CNTN3: variants seen among roughly 807,000 people sequenced by gnomAD.
The protein encoded by CNTN3 is contactin 3.
Under a neutral mutation model 119.1 loss-of-function variants are expected in CNTN3, and 60 were observed. The ratio of observed to expected loss-of-function variants is 0.50; its 90% CI spans 0.41 to 0.62. CNTN3 has a LOEUF of 0.62. Among genes scored for constraint, CNTN3 ranks in the 20% least tolerant of loss-of-function variants. The probability of loss-of-function intolerance (pLI) is 0.00; values close to 1 mark genes in which losing one functional copy is unlikely to be tolerated. For missense variants in CNTN3, 1,101 were observed against 1,242.4 expected (o/e 0.89, Z 1.71); for synonymous variants, 450 against 438.7 (o/e 1.03, Z -0.32).
At chr3:74,516,490 T>C (rs1703452755) in intron 2 of CNTN3, among the ~76,000 whole-genome samples, 1 of 151,062 alleles carries the variant, frequency 6.6e-6, no homozygotes, top group Non-Finnish European at 1.5e-5. Context: ...CTTACTTTAC[T>C]GTAAGAATAC....
intron 21 of CNTN3, 138 bp from the exon 22 acceptor site, chr3:74,266,787 T>G: frequency 1.4e-6 from 1 of 729,234 alleles, no homozygotes; most frequent in Non-Finnish European, 2.2e-6. Flanking sequence ...ACTCTAATTG[T>G]AAGTCTTAGA....
chr3:74,353,982 C>T (rs1041593945), intron 11 of CNTN3, among the ~76,000 whole-genome samples: 1 of 151,994 alleles, frequency 6.6e-6, no homozygotes, highest in Non-Finnish European at 1.5e-5. Context: ...AAGCAGTGAT[C>T]ACTATTTTTT....
chr3:74,597,411 C>T (rs532124470), intron 1 of CNTN3, among the ~76,000 whole-genome samples: 11 of 151,924 alleles, frequency 7.2e-5, no homozygotes, highest in South Asian at 2.1e-4. Context: ...GTAACCCAGA[C>T]GTGGTTCCTT....
chr3:74,450,863 T>A (rs1361257699), intron 4 of CNTN3, among the ~76,000 whole-genome samples: 2 of 152,054 alleles, frequency 1.3e-5, no homozygotes, highest in Admixed American at 1.3e-4. Context: ...TATGGCTGCG[T>A]AGTATTCCAT....
At chr3:74,598,423 C>T (rs71319862) in intron 1 of CNTN3, among the ~76,000 whole-genome samples, 11 of 151,986 alleles carry the variant, frequency 7.2e-5, no homozygotes, top group African/African-American at 2.7e-4. Context: ...TTTGAAGAGC[C>T]TTCTTCAAAC....
At chr3:74,366,776 G>GTATATATATA (rs1416469987) in intron 8 of CNTN3, among the ~76,000 whole-genome samples, 8 of 35,618 alleles carry the variant, frequency 2.2e-4, no homozygotes, top group South Asian at 2.2e-3. Context: ...GTGTGTGTGT[G>GTATATATATA]TGTGTATATA....
At chr3:74,613,831 C>A (rs1349393381) in intron 1 of CNTN3, among the ~76,000 whole-genome samples, 2 of 152,172 alleles carry the variant, frequency 1.3e-5, no homozygotes, top group Non-Finnish European at 2.9e-5. Context: ...TGGACTACAG[C>A]GCAGCAGGGT....
chr3:74,536,589 G>A (rs1459523928), intron 1 of CNTN3, among the ~76,000 whole-genome samples: 1 of 152,028 alleles, frequency 6.6e-6, no homozygotes, highest in Non-Finnish European at 1.5e-5. Context: ...ACTCTGCCTG[G>A]ACGAATACAT....
At chr3:74,294,943 T>C (rs1702308403) in intron 19 of CNTN3, among the ~76,000 whole-genome samples, 178 bp downstream of exon 19, 1 of 152,232 alleles carries the variant, frequency 6.6e-6, no homozygotes, top group Non-Finnish European at 1.5e-5. Flanking sequence ...ACTAATGTTA[T>C]TTTCATTCAA....
At chr3:74,532,235 G>C (rs1703703306) in intron 1 of CNTN3, among the ~76,000 whole-genome samples, 1 of 151,874 alleles carries the variant, frequency 6.6e-6, no homozygotes, top group South Asian at 2.1e-4. Context: ...GAGAATGAGA[G>C]AGATGGGATC....
chr3:74,450,975 C>A, intron 4 of CNTN3, among the ~76,000 whole-genome samples: 1 of 152,150 alleles, frequency 6.6e-6, no homozygotes, highest in Admixed American at 6.6e-5. Context: ...AATAAACATA[C>A]ATGTGCATGT....
In CNTN3 at chr3:74,313,961, C is replaced by G. The variant is rs541050079; in HGVS notation, c.1669-11154G>C. On this transcript the variant is annotated intron_variant, in intron 13 of 22. Coordinates refer to ENST00000263665, the MANE Select transcript of CNTN3 (RefSeq NM_020872.3). ...AAGCAGTTTTGTGGAGATGGCCAAG[C>G]AGTACCCATTTCAAAATATGTCAAA... 6.0e-4 allele frequency among the ~76,000 whole-genome samples: 91 copies of G among 152,252 alleles called. 1 individual carries two copies. The South Asian group carries it at 0.016, about 26-fold the overall frequency.
chr3:74,574,405 A>C (rs1044466931), intron 1 of CNTN3, among the ~76,000 whole-genome samples: 2 of 152,204 alleles, frequency 1.3e-5, no homozygotes, highest in Non-Finnish European at 2.9e-5. Context: ...ACTAAAACCC[A>C]CAGAATTGTG....
intron 11 of CNTN3, among the ~76,000 whole-genome samples, chr3:74,349,647 A>G (rs1703770175): frequency 6.6e-6 from 1 of 152,198 alleles, no homozygotes; most frequent in South Asian, 2.1e-4. Flanking sequence ...CCCCCATCTT[A>G]AAAATATTAG....
chr3:74,365,726 G>T (rs755739561), intron 8 of CNTN3, 24 bp from the exon 9 acceptor site: 2 of 1,587,088 alleles, frequency 1.3e-6, no homozygotes, highest in Admixed American at 1.8e-5. Flanking sequence ...AAAGGAAAAA[G>T]AAAAGAAATT....
At chr3:74,311,557 T>C (rs1234304289) in intron 13 of CNTN3, among the ~76,000 whole-genome samples, 1 of 152,228 alleles carries the variant, frequency 6.6e-6, no homozygotes, top group African/African-American at 2.4e-5. Flanking sequence ...TCAGATCAGT[T>C]AAATGTTATA....
intron 20 of CNTN3, among the ~76,000 whole-genome samples, chr3:74,281,628 G>T (rs111834647): frequency 1.3e-5 from 2 of 152,106 alleles, no homozygotes; most frequent in African/African-American, 4.8e-5. Flanking sequence ...GATTATAGGC[G>T]TGAGTCCTCG....
At chr3:74,612,450 G>A (rs1245180252) in intron 1 of CNTN3, among the ~76,000 whole-genome samples, 2 of 152,114 alleles carry the variant, frequency 1.3e-5, no homozygotes, top group Non-Finnish European at 2.9e-5. Flanking sequence ...AAAAGTTAGA[G>A]TTCTCCTGGA....
At chr3:74,394,680 T>G (rs1475188710) in intron 5 of CNTN3, among the ~76,000 whole-genome samples, 1 of 152,212 alleles carries the variant, frequency 6.6e-6, no homozygotes. Flanking sequence ...TAAAGTCATT[T>G]GATTAAAAAA....
Sources: gnomAD v4.1 joint callset for allele counts (sites outside exome capture counted in the v4.1 genomes callset) on GRCh38, gnomAD v4.1.1 for gene constraint, MANE v1.5 for transcripts, NCBI Gene and HGNC (gene_info 2026-07-23, HGNC 2026-07-21) for gene names.